The following RBPJ variants were observed in gnomAD, a reference collection of about 807,000 sequenced individuals.
RBPJ encodes recombining binding protein suppressor of hairless.
A neutral mutation model predicts 67.8 loss-of-function variants in RBPJ; 9 were observed. The ratio of observed to expected loss-of-function variants is 0.13; its 90% CI spans 0.08 to 0.23. RBPJ has a LOEUF of 0.23. Among genes scored for constraint, RBPJ ranks in the 10% least tolerant of loss-of-function variants. The probability of loss-of-function intolerance (pLI) is 1.00; values close to 1 mark genes in which losing one functional copy is unlikely to be tolerated. For synonymous variants in RBPJ, 198 were observed against 203.3 expected, an observed-to-expected ratio of 0.97 and a Z score of 0.22; for missense variants, 305 against 595.6, an observed-to-expected ratio of 0.51 and a Z score of 5.08.
intron 1 of RBPJ, among the ~76,000 whole-genome samples, chr4:26,196,444 G>A (rs963892362): frequency 1.3e-5 from 2 of 152,194 alleles, no homozygotes; most frequent in Non-Finnish European, 2.9e-5. Context: ...AGGAGGAGCA[G>A]GTGTGACTGC....
chr4:26,339,438 A>G (rs977964200), intron 1 of RBPJ, among the ~76,000 whole-genome samples: 1 of 152,048 alleles, frequency 6.6e-6, no homozygotes, highest in Non-Finnish European at 1.5e-5. Context: ...GTTCGAGACT[A>G]GCCTGGCCGA....
At chr4:26,196,373 A>G (rs1319605580) in intron 1 of RBPJ, among the ~76,000 whole-genome samples, 1 of 152,250 alleles carries the variant, frequency 6.6e-6, no homozygotes, top group East Asian at 1.9e-4. Flanking sequence ...TGAAATGTCC[A>G]GAAGAGGTGA....
In RBPJ at chr4:26,169,484, G is replaced by T. The variant is rs563403073; in HGVS notation, c.-167+5870G>T. Among the ~76,000 whole-genome samples the T allele has an allele frequency of 7.2e-5, 11 of 152,292 alleles. No homozygotes were observed. In the South Asian group the frequency reaches 1.2e-3, roughly 17 times the overall value. ...TGTGAGGTGTCAGTCTGCCCCTACTGGGGGGTGCCTCCCAGTTAGGCTGCT... is the reference window on the plus strand; with the variant it reads ...TGTGAGGTGTCAGTCTGCCCCTACTTGGGGGTGCCTCCCAGTTAGGCTGCT... On this transcript the variant is annotated intron_variant, in intron 1 of 4. Coordinates refer to the RBPJ transcript ENST00000512351.
rs1577687385 is a variant in RBPJ at position 26,433,697 on chromosome 4, A to G, written c.*2690A>G. On this transcript the variant is annotated 3_prime_UTR_variant, in exon 11 of 11. Coordinates refer to ENST00000355476, the MANE Select transcript of RBPJ (RefSeq NM_015874.6). Reference sequence around the variant, plus strand: ...ATACCACAGACTAAAGAGTGAAATGATTTGTCCATTGTAGCTTATTGTTTA... The same window carrying G: ...ATACCACAGACTAAAGAGTGAAATGGTTTGTCCATTGTAGCTTATTGTTTA... The G allele has an allele frequency of 6.6e-6, 1 of 152,160 alleles. No individual in the cohort carries two copies. The highest frequency in any genetic ancestry group is 1.9e-4 in the East Asian group (1 of 5,180). 9.4% of individuals were successfully genotyped at this position (152,160 alleles called of 1,614,324 possible). A position where few individuals can be genotyped will look rare whatever the true frequency, so the allele number is the denominator to read the frequency against.
rs199713254 is a variant in RBPJ at position 26,263,878 on chromosome 4, T to G, written c.-166-98568T>G. 4.4e-3 allele frequency among the ~76,000 whole-genome samples: 564 copies of G among 128,820 alleles called. 3 individuals carry two copies. The highest frequency in any genetic ancestry group is 0.02 in the Middle Eastern group (3 of 152). The allele number at this position is 128,820 out of a possible 152,430, so 84.5% of individuals were successfully genotyped here. A position where few individuals can be genotyped will look rare whatever the true frequency, so the allele number is the denominator to read the frequency against. ...AGCCACAGCACCCAGTCTTTTTTTT[T>G]TTTGTTTTTGTTTTGAGATAGAGTC... On this transcript the variant is annotated intron_variant, in intron 1 of 4. Transcript: ENST00000512351.
intron 1 of RBPJ, among the ~76,000 whole-genome samples, chr4:26,253,300 GC>G (rs1478530921): frequency 6.7e-6 from 1 of 148,544 alleles, no homozygotes; most frequent in Non-Finnish European, 1.5e-5. Context: ...ATCTTAATCT[GC>G]TATTTCTTTT....
At chr4:26,408,374 C>T (rs1326746738) in intron 3 of RBPJ, among the ~76,000 whole-genome samples, 1 of 151,250 alleles carries the variant, frequency 6.6e-6, no homozygotes, top group Non-Finnish European at 1.5e-5. Flanking sequence ...ACATAGCGTA[C>T]CAACTCAAAT....
chr4:26,124,456 ATATATAC>A, the RBPJ span, among the ~76,000 whole-genome samples: 5 of 100,440 alleles, frequency 5.0e-5, no homozygotes, highest in South Asian at 5.9e-4. Flanking sequence ...ATATATATAT[ATATATAC>A]CAGTTTCTTT....
chr4:26,156,065 AG>A, the RBPJ span, among the ~76,000 whole-genome samples: 1 of 152,228 alleles, frequency 6.6e-6, no homozygotes, highest in Non-Finnish European at 1.5e-5. Flanking sequence ...TTGTTAATGG[AG>A]GCAGGAAGCT....
At chr4:26,222,835 T>TATCA (rs1718958010) in intron 1 of RBPJ, among the ~76,000 whole-genome samples, 1 of 151,950 alleles carries the variant, frequency 6.6e-6, no homozygotes, top group South Asian at 2.1e-4. Context: ...AATCCTTTGA[T>TATCA]GTTTCCTCAA....
chr4:26,329,767 G>A (rs569458514), intron 1 of RBPJ, among the ~76,000 whole-genome samples: 1 of 152,110 alleles, frequency 6.6e-6, no homozygotes, highest in South Asian at 2.1e-4. Context: ...GTTGGCAGGC[G>A]CCTGTAGTCA....
In RBPJ at chr4:26,386,315, C is replaced by G; in HGVS notation, c.21-38C>G. 4 of 1,486,054 alleles carry G rather than the reference C, an allele frequency of 2.7e-6. No individual in the cohort carries two copies. In the South Asian group the frequency reaches 3.6e-5, roughly 13 times the overall value. The allele number at this position is 1,486,054 out of a possible 1,614,324, so 92.1% of individuals were successfully genotyped here. On this transcript the variant is annotated intron_variant, in intron 1 of 10. Transcript: ENST00000355476. ...GCTTTCTGTAGAGTGTATCATAAAG[C>G]TTACTTAACTTTATTTTCTTTATTT...
In RBPJ at chr4:26,206,751, C is replaced by CA. The variant is rs34568281; in HGVS notation, c.-167+43156dup. 9.0e-3 allele frequency among the ~76,000 whole-genome samples: 1,184 copies of CA among 130,914 alleles called. 20 individuals are homozygous for CA. Among genetic ancestry groups the CA allele is most frequent in the African/African-American group, 0.023 (832 of 35,604 alleles). The allele number at this position is 130,914 out of a possible 152,430, so 85.9% of individuals were successfully genotyped here. On this transcript the variant is annotated intron_variant, in intron 1 of 4. Transcript: ENST00000512351. ...TAAAAACGAAAGGCTTTCATACCCT[C>CA]AAAAAAAAAAAAAAAAAAATCCTGG...
rs551832106 is a variant in RBPJ, at chr4:26,281,926, C to G, written c.-166-80520C>G. ...AACTCCTTTGTTCTAATATAACACT[C>G]CTATTCTATTTGAATTATAGAGCTC... On this transcript the variant is annotated intron_variant, in intron 1 of 4. Coordinates refer to the RBPJ transcript ENST00000512351. Among the ~76,000 whole-genome samples, 3 of 152,172 alleles carry G rather than the reference C, an allele frequency of 2.0e-5. No individual in the cohort carries two copies. In the East Asian group the frequency reaches 5.8e-4, roughly 29 times the overall value.
chr4:26,408,663 A>G (rs1392947098), intron 3 of RBPJ, among the ~76,000 whole-genome samples: 1 of 152,326 alleles, frequency 6.6e-6, no homozygotes, highest in East Asian at 1.9e-4. Context: ...CCTCGTAACA[A>G]TTTTGTAAAG....
intron 1 of RBPJ, among the ~76,000 whole-genome samples, chr4:26,167,251 A>G (rs1196911135): frequency 6.6e-6 from 1 of 152,200 alleles, no homozygotes; most frequent in Non-Finnish European, 1.5e-5. Flanking sequence ...AATTCTGTGA[A>G]GAAAGTCATT....
At chr4:26,331,515 G>A (rs1324765427) in intron 1 of RBPJ, among the ~76,000 whole-genome samples, 5 of 152,032 alleles carry the variant, frequency 3.3e-5, no homozygotes, top group Admixed American at 6.6e-5. Context: ...AAATCCCTCA[G>A]CACCCAAGCC....
Position 26,274,984 on chromosome 4 carries a change from A to C in RBPJ, c.-166-87462A>C, listed in dbSNP as rs146815228. Among the ~76,000 whole-genome samples the C allele has an allele frequency of 2.5e-3, 385 of 152,182 alleles. 2 individuals carry two copies. The highest frequency in any genetic ancestry group is 8.5e-3 in the African/African-American group (354 of 41,548). ...AAAGAAAAAAGAAAGGAAAGGAAAA[A>C]AGTTTCTAAAGTACCAGGGCTAGAG... On this transcript the variant is annotated intron_variant, in intron 1 of 4. Coordinates refer to the RBPJ transcript ENST00000512351.
At chr4:26,335,162 GT>G (rs1349998101) in intron 1 of RBPJ, among the ~76,000 whole-genome samples, 1 of 151,932 alleles carries the variant, frequency 6.6e-6, no homozygotes, top group Non-Finnish European at 1.5e-5. Flanking sequence ...CCCACTATCA[GT>G]TTTTCTTATT....
Sources: allele counts gnomAD v4.1 joint callset (sites outside exome capture counted in the v4.1 genomes callset), GRCh38; gene constraint gnomAD v4.1.1; transcripts MANE v1.5; gene names NCBI Gene and HGNC (gene_info 2026-07-23, HGNC 2026-07-21).